MAP3K15: variants seen among roughly 807,000 people sequenced by gnomAD.
MAP3K15 encodes mitogen-activated protein kinase kinase kinase 15, also known as MAPK/ERK kinase kinase 15.
Under a neutral mutation model 99.5 loss-of-function variants are expected in MAP3K15, and 124 were observed. The observed-to-expected ratio is 1.25, with a 90% CI of 1.08 to 1.45. MAP3K15 has a LOEUF of 1.45. Ranked by LOEUF, MAP3K15 falls within the 40% of genes most tolerant of loss-of-function variation. The pLI is 0.00. For synonymous variants in MAP3K15, 494 were observed against 439.6 expected, an observed-to-expected ratio of 1.12 and a Z score of -1.55; for missense variants, 1,242 against 1,079.7, an observed-to-expected ratio of 1.15 and a Z score of -2.11.
At chrX:19,504,452 C>T (rs1031533426) in intron 1 of MAP3K15, among the ~76,000 whole-genome samples, 2 of 111,107 alleles carry the variant, frequency 1.8e-5, no homozygotes, top group Middle Eastern at 4.6e-3. Flanking sequence ...GGATGTTTGG[C>T]GAACACTGTC....
At chrX:19,483,903 A>T (rs1274185736) in intron 3 of MAP3K15, among the ~76,000 whole-genome samples, 1 of 111,629 alleles carries the variant, frequency 9.0e-6, no homozygotes, top group Non-Finnish European at 1.9e-5. Flanking sequence ...TTTGAAGATG[A>T]CTACTAATGG....
chrX:19,450,538 T>C (rs1161041177), intron 6 of MAP3K15, among the ~76,000 whole-genome samples: 1 of 110,070 alleles, frequency 9.1e-6, no homozygotes, highest in Non-Finnish European at 1.9e-5. Flanking sequence ...TTCAGGTGTG[T>C]GTGAGAGAGA....
chrX:19,459,992 T>A lies in MAP3K15; in HGVS notation c.881A>T (p.Asp294Val), dbSNP rs774109206. The A allele has an allele frequency of 1.7e-6, 2 of 1,146,983 alleles. No homozygotes were observed. The highest frequency in any genetic ancestry group is 2.3e-6 in the Non-Finnish European group (2 of 867,910). The allele number at this position is 1,146,983 out of a possible 1,213,427, so 94.5% of individuals were successfully genotyped here. Residue 294 changes from aspartate to valine, a missense_variant, in exon 5 of 29, where the codon GAT (aspartate) becomes GTT (valine). Physicochemically the swap from Asp to Val is radical, Grantham distance 152. Coordinates refer to ENST00000338883, the MANE Select transcript of MAP3K15 (RefSeq NM_001001671.4). ...IIINLLLSYR[D>V]IQDYDAMVKL... ...GCTAGGTGGATTTCATACCTGGATATCACGGTAGGACAGGAGTAAGTTAAT... is the reference window on the plus strand; with the variant it reads ...GCTAGGTGGATTTCATACCTGGATAACACGGTAGGACAGGAGTAAGTTAAT...
At chrX:19,425,832 T>C (rs1010553378) in intron 8 of MAP3K15, 142 bp from the exon 9 acceptor site, 13 of 619,198 alleles carry the variant, frequency 2.1e-5, no homozygotes, top group Non-Finnish European at 3.1e-5. Context: ...AATATAATTC[T>C]AGTAGTACGG....
intron 1 of MAP3K15, among the ~76,000 whole-genome samples, chrX:19,498,802 T>A (rs148221945): frequency 1.8e-5 from 2 of 112,169 alleles, no homozygotes; most frequent in Non-Finnish European, 3.8e-5. Flanking sequence ...TTGAGATGAA[T>A]CACAGATCTA....
chrX:19,409,934 T>C lies in MAP3K15; in HGVS notation c.1738A>G (p.Lys580Glu), dbSNP rs1293579813. The change falls in exon 12 of 29, where the codon AAG becomes GAG. Residue 580 changes from lysine (K) to glutamate (E), a missense_variant. Transcript: ENST00000338883. ...CTCCTATGTTCTTACCTTATTCCCT[T>C]TATGGAAGAGGCTGTAAAATTCCAT... The part of the protein sequence containing the change: ...HEWNFTASSI[K>E]GISLSKFDER... 8.3e-7 allele frequency: 1 copy of C among 1,199,980 alleles called. No homozygotes were observed. The highest frequency in any genetic ancestry group is 1.7e-5 in the African/African-American group (1 of 57,158).
intron 3 of MAP3K15, among the ~76,000 whole-genome samples, 193 bp downstream of exon 3, chrX:19,486,289 C>G (rs957378538): frequency 1.8e-5 from 2 of 111,922 alleles, no homozygotes; most frequent in African/African-American, 3.2e-5. Context: ...GGCCCACTGC[C>G]TCAATGGCTG....
At chrX:19,436,165 A>AG (rs142692782) in intron 6 of MAP3K15, among the ~76,000 whole-genome samples, 9,045 of 106,054 alleles carry the variant, frequency 0.085, 647 homozygotes, top group African/African-American at 0.24. Flanking sequence ...AAAAAAAAAA[A>AG]AAAGAAAGAA....
At chrX:19,391,709 GA>G (rs1258139684) in intron 18 of MAP3K15, among the ~76,000 whole-genome samples, 1 of 96,920 alleles carries the variant, frequency 1.0e-5, no homozygotes, top group African/African-American at 3.8e-5. Flanking sequence ...AAGAAAAAAA[GA>G]AAAAAAAGAA....
chrX:19,384,748 GGAAAAAAAAAAAAAAAA>G (rs1463431140), intron 18 of MAP3K15, among the ~76,000 whole-genome samples: 8 of 56,465 alleles, frequency 1.4e-4, no homozygotes, highest in African/African-American at 4.9e-4. Flanking sequence ...TTGTCTCAGG[GGAAAAAAAAAAAAAAAA>G]AAAAAAAAAA....
intron 7 of MAP3K15, among the ~76,000 whole-genome samples, chrX:19,427,803 A>T (rs1379436135): frequency 9.0e-6 from 1 of 111,287 alleles, no homozygotes; most frequent in East Asian, 2.8e-4. Flanking sequence ...TGAAAGGAGA[A>T]GTTATCATTG....
intron 1 of MAP3K15, among the ~76,000 whole-genome samples, chrX:19,489,450 C>T (rs988194780): frequency 9.0e-6 from 1 of 110,704 alleles, no homozygotes; most frequent in Non-Finnish European, 1.9e-5. Flanking sequence ...CGTGTGTGTG[C>T]GCTATAGAAT....
At chrX:19,492,062 C>T (rs373961251) in intron 1 of MAP3K15, among the ~76,000 whole-genome samples, 15 of 108,769 alleles carry the variant, frequency 1.4e-4, no homozygotes, top group African/African-American at 5.0e-4. Flanking sequence ...TGGGCTCAGG[C>T]AATCCTCCCA....
At position 19,515,026 on chromosome X, in the gene MAP3K15, G is replaced by C. The variant is rs780969640; in HGVS notation, c.236C>G (p.Pro79Arg). 18 of 1,064,900 alleles carry C rather than the reference G, an allele frequency of 1.7e-5. No homozygotes were observed. The highest frequency in any genetic ancestry group is 7.9e-5 in the East Asian group (2 of 25,398). 87.8% of individuals were successfully genotyped at this position (1,064,900 alleles called of 1,213,427 possible). A position where few individuals can be genotyped will look rare whatever the true frequency, so the allele number is the denominator to read the frequency against. The change falls in exon 1 of 29, where the codon CCG becomes CGG. Residue 79 changes from proline (P) to arginine (R), a missense_variant. Transcript: ENST00000338883. Reference protein sequence around the residue: ...ESSQGGAAGGPEAGARQCLLR... With the variant: ...ESSQGGAAGGREAGARQCLLR... ...CAGGCACTGCCGCGCCCCAGCCTCC[G>C]GGCCGCCGGCCGCGCCGCCCTGGGA...
Position 19,371,360 on chromosome X carries a change from G to A in MAP3K15, c.3279C>T (p.Phe1093=), listed in dbSNP as rs188757568. Residue 1093 remains phenylalanine, a synonymous_variant, in exon 23 of 29, where the codon TTC becomes TTT. Transcript: ENST00000338883. ...SSISQIHLVL[F]GFQDAVNKIL... The stretch of plus-strand genomic sequence containing the variant: ...GAGCACTTACGGCATCCTGAAATCC[G>A]AACAGCACCAGGTGAATCTGACTGA... 3.7e-5 allele frequency: 44 copies of A among 1,204,898 alleles called. No individual in the cohort carries two copies. Among genetic ancestry groups the A allele is most frequent in the Admixed American group, 2.6e-4 (12 of 45,571 alleles).
chrX:19,504,600 A>T (rs918770808), intron 1 of MAP3K15, among the ~76,000 whole-genome samples: 2 of 111,580 alleles, frequency 1.8e-5, no homozygotes, highest in African/African-American at 3.3e-5. Context: ...TCTTTTGTTT[A>T]AAAAAAAGCC....
chrX:19,384,109 G>A (rs374089979), intron 18 of MAP3K15, among the ~76,000 whole-genome samples: 16 of 112,076 alleles, frequency 1.4e-4, no homozygotes, highest in African/African-American at 5.2e-4. Flanking sequence ...CAGATGAATG[G>A]ATAAAGAAAA....
chrX:19,398,125 A>T, intron 15 of MAP3K15, 101 bp downstream of exon 15: 1 of 994,971 alleles, frequency 1.0e-6, no homozygotes, highest in South Asian at 2.3e-5. Context: ...TTGTGGTAAC[A>T]CAATGCTTTT....
chrX:19,411,872 T>C (rs2063691295), intron 11 of MAP3K15, among the ~76,000 whole-genome samples: 1 of 111,863 alleles, frequency 8.9e-6, no homozygotes, highest in African/African-American at 3.2e-5. Flanking sequence ...CATGCAGGAC[T>C]TCTAGGCCAC....
Sources: gnomAD v4.1 joint callset for allele counts (sites outside exome capture counted in the v4.1 genomes callset) on GRCh38, gnomAD v4.1.1 for gene constraint, MANE v1.5 for transcripts, NCBI Gene and HGNC (gene_info 2026-07-23, HGNC 2026-07-21) for gene names.